The following UNC5C variants were observed in gnomAD, a reference collection of about 807,000 sequenced individuals.
UNC5C encodes netrin receptor UNC5C.
In UNC5C, 47 loss-of-function variants were observed where a neutral mutation model predicts 99.8. The observed-to-expected ratio is 0.47, with a 90% CI of 0.37 to 0.60. The LOEUF is 0.60. Ranked by LOEUF, UNC5C falls within the 20% of genes least tolerant of loss-of-function variation. The pLI, the probability that UNC5C is intolerant of heterozygous loss-of-function variation, is 0.00. For synonymous variants in UNC5C, 487 were observed against 452.2 expected (o/e 1.08, Z -0.98); for missense variants, 1,062 against 1,165.9 (o/e 0.91, Z 1.30).
intron 2 of UNC5C, among the ~76,000 whole-genome samples, chr4:95,325,191 C>A (rs1000858329): frequency 6.6e-6 from 1 of 152,086 alleles, no homozygotes; most frequent in African/African-American, 2.4e-5. Context: ...AAGATAAGAT[C>A]AAGCAGGATG....
intron 1 of UNC5C, among the ~76,000 whole-genome samples, chr4:95,404,828 C>A (rs765523034): frequency 6.6e-6 from 1 of 152,150 alleles, no homozygotes; most frequent in Non-Finnish European, 1.5e-5. Flanking sequence ...GAGCAGCAAG[C>A]CAGCAGATCA....
chr4:95,344,772 C>T (rs906966904), intron 1 of UNC5C, among the ~76,000 whole-genome samples: 1 of 151,982 alleles, frequency 6.6e-6, no homozygotes, highest in Non-Finnish European at 1.5e-5. Flanking sequence ...AAGTTGTCAT[C>T]TGTTTAAAAT....
At chr4:95,447,689 C>T (rs1192477508) in intron 1 of UNC5C, among the ~76,000 whole-genome samples, 1 of 152,000 alleles carries the variant, frequency 6.6e-6, no homozygotes, top group Non-Finnish European at 1.5e-5. Context: ...TTAGTAGAGA[C>T]GGGGTTTCAC....
intron 7 of UNC5C, among the ~76,000 whole-genome samples, chr4:95,226,621 C>T (rs536540806): frequency 2.0e-5 from 3 of 152,276 alleles, no homozygotes; most frequent in African/African-American, 7.2e-5. Flanking sequence ...AAGCCGTATG[C>T]AATGCTCTCT....
At chr4:95,537,857 G>A (rs561516115) in intron 1 of UNC5C, among the ~76,000 whole-genome samples, 2 of 152,198 alleles carry the variant, frequency 1.3e-5, no homozygotes, top group South Asian at 2.1e-4. Flanking sequence ...GGGGTGGGGG[G>A]AGCGTCGTAT....
intron 14 of UNC5C, among the ~76,000 whole-genome samples, chr4:95,181,587 G>A (rs1736613819): frequency 1.3e-5 from 2 of 152,148 alleles, no homozygotes; most frequent in South Asian, 4.1e-4. Flanking sequence ...AGCCAGCAGG[G>A]GTGGTGCTGT....
At chr4:95,508,534 T>TA (rs932410106) in intron 1 of UNC5C, among the ~76,000 whole-genome samples, 3 of 151,652 alleles carry the variant, frequency 2.0e-5, no homozygotes, top group Non-Finnish European at 2.9e-5. Flanking sequence ...CAGGCTGAAC[T>TA]AAAAAAAATG....
intron 5 of UNC5C, among the ~76,000 whole-genome samples, chr4:95,249,874 G>T (rs1402767700): frequency 6.6e-6 from 1 of 152,190 alleles, no homozygotes; most frequent in Non-Finnish European, 1.5e-5. Context: ...AGTAGAATGA[G>T]TTATAAGAAG....
chr4:95,498,365 A>G (rs1721683400), intron 1 of UNC5C, among the ~76,000 whole-genome samples: 1 of 152,060 alleles, frequency 6.6e-6, no homozygotes, highest in Non-Finnish European at 1.5e-5. Flanking sequence ...AGGAAAGATC[A>G]TTCAGTAAGC....
At chr4:95,456,175 G>A (rs1270747446) in intron 1 of UNC5C, among the ~76,000 whole-genome samples, 2 of 151,960 alleles carry the variant, frequency 1.3e-5, no homozygotes, top group African/African-American at 4.8e-5. Context: ...GGCAATGAAA[G>A]CCTTAATATG....
intron 12 of UNC5C, among the ~76,000 whole-genome samples, chr4:95,193,582 C>T (rs953259860): frequency 6.6e-6 from 1 of 152,182 alleles, no homozygotes; most frequent in Non-Finnish European, 1.5e-5. Flanking sequence ...ACCTGCCTTT[C>T]TTCTGTTCAT....
At chr4:95,329,496 C>A (rs575366959) in intron 2 of UNC5C, among the ~76,000 whole-genome samples, 1 of 152,046 alleles carries the variant, frequency 6.6e-6, no homozygotes, top group Admixed American at 6.6e-5. Flanking sequence ...AAGATTGTAT[C>A]AATTTAAACA....
At chr4:95,341,974 C>A (rs1315693623) in intron 1 of UNC5C, among the ~76,000 whole-genome samples, 2 of 152,104 alleles carry the variant, frequency 1.3e-5, no homozygotes, top group African/African-American at 4.8e-5. Flanking sequence ...ACTGCCCTAG[C>A]CAGAGGGGAC....
intron 1 of UNC5C, among the ~76,000 whole-genome samples, chr4:95,504,073 T>C (rs1721847402): frequency 6.6e-6 from 1 of 152,198 alleles, no homozygotes; most frequent in South Asian, 2.1e-4. Context: ...TTGTAATGCA[T>C]GATTTTATCT....
At chr4:95,429,291 A>AT (rs35660876) in intron 1 of UNC5C, among the ~76,000 whole-genome samples, 4 of 135,096 alleles carry the variant, frequency 3.0e-5, no homozygotes, top group African/African-American at 1.0e-4. Flanking sequence ...AAAAAAAAAA[A>AT]AAAAAACAAA....
At chr4:95,430,916 T>A (rs1326417750) in intron 1 of UNC5C, among the ~76,000 whole-genome samples, 3 of 152,102 alleles carry the variant, frequency 2.0e-5, no homozygotes, top group African/African-American at 7.2e-5. Context: ...AACATGGCTT[T>A]GAGGAATTCA....
chr4:95,527,025 T>G lies in UNC5C; in HGVS notation c.124+21709A>C, dbSNP rs111800533. 5.9e-3 allele frequency among the ~76,000 whole-genome samples: 901 copies of G among 152,170 alleles called. 9 individuals carry two copies. Among genetic ancestry groups the G allele is most frequent in the African/African-American group, 0.021 (853 of 41,556 alleles). Reference sequence around the variant, plus strand: ...GTATGATAGCTTTTTAGGATAAAGTTTCAAGTTAAGTGACAATATTTTAAA... The same window carrying G: ...GTATGATAGCTTTTTAGGATAAAGTGTCAAGTTAAGTGACAATATTTTAAA... On this transcript the variant is annotated intron_variant, in intron 1 of 15. Coordinates refer to ENST00000453304, the MANE Select transcript of UNC5C (RefSeq NM_003728.4).
Position 95,548,782 on chromosome 4 carries a change from G to T in UNC5C, c.76C>A (p.Pro26Thr). Reference sequence around the variant, plus strand: ...CTGGCGCTGAGCAGGGCCAGGGCAGGTAGCACGAGCATTTGCAGCAAGTAT... The same window carrying T: ...CTGGCGCTGAGCAGGGCCAGGGCAGTTAGCACGAGCATTTGCAGCAAGTAT... ...LGYLLQMLVL[P>T]ALALLSASGT... is the part of the protein sequence containing the mutation. The change falls in exon 1 of 16, where the codon CCT (proline) becomes ACT (threonine). Residue 26 changes from proline (P) to threonine (T), a missense_variant. Transcript: ENST00000453304. The T allele has an allele frequency of 6.2e-7, 1 of 1,613,476 alleles. No individual in the cohort carries two copies. The highest frequency in any genetic ancestry group is 8.5e-7 in the Non-Finnish European group (1 of 1,179,910).
intron 1 of UNC5C, among the ~76,000 whole-genome samples, chr4:95,531,883 A>G (rs1722653744): frequency 1.3e-5 from 2 of 152,234 alleles, no homozygotes; most frequent in African/African-American, 2.4e-5. Flanking sequence ...TAACCCCAAT[A>G]TAGAACAAAA....
Sources: allele counts gnomAD v4.1 joint callset (sites outside exome capture counted in the v4.1 genomes callset), GRCh38; gene constraint gnomAD v4.1.1; transcripts MANE v1.5; gene names NCBI Gene and HGNC (gene_info 2026-07-23, HGNC 2026-07-21).